SUSD6: variants seen among roughly 807,000 people sequenced by gnomAD.
The protein encoded by SUSD6 is sushi domain-containing protein 6.
Under a neutral mutation model 28.4 loss-of-function variants are expected in SUSD6, and 16 were observed. The ratio of observed to expected loss-of-function variants is 0.56; its 90% CI spans 0.38 to 0.86. The LOEUF is 0.86. SUSD6 is among the 40% of genes least tolerant of loss of function. The pLI, the probability that SUSD6 is intolerant of heterozygous loss-of-function variation, is 0.00. For synonymous variants in SUSD6, 147 were observed against 159.6 expected, an observed-to-expected ratio of 0.92 and a Z score of 0.59; for missense variants, 341 against 384.2, an observed-to-expected ratio of 0.89 and a Z score of 0.94.
intron 2 of SUSD6, among the ~76,000 whole-genome samples, chr14:69,661,595 A>T (rs1885662127): frequency 1.3e-5 from 2 of 151,976 alleles, no homozygotes; most frequent in Non-Finnish European, 2.9e-5. Context: ...GTTGCTACCA[A>T]TGTTTTTCCC....
intron 2 of SUSD6, among the ~76,000 whole-genome samples, chr14:69,681,667 C>G (rs1885998926): frequency 6.6e-6 from 1 of 152,146 alleles, no homozygotes; most frequent in African/African-American, 2.4e-5. Flanking sequence ...TTCATTACTT[C>G]TTGAGAATGG....
chr14:69,651,042 C>T (rs113444061), intron 1 of SUSD6, among the ~76,000 whole-genome samples: 40 of 152,094 alleles, frequency 2.6e-4, no homozygotes, highest in African/African-American at 9.6e-4. Flanking sequence ...CTTTTGGGCC[C>T]CTCCTATTCC....
Position 69,658,658 on chromosome 14 carries a change from A to C in SUSD6, c.66A>C (p.Gly22=). The C allele has an allele frequency of 6.2e-7, 1 of 1,614,032 alleles. No individual in the cohort carries two copies. The highest frequency in any genetic ancestry group is 8.5e-7 in the Non-Finnish European group (1 of 1,179,952). The part of the protein sequence containing the change: ...SVFAVASVGH[G]VFLPLVILCT... ...TTGCCGTGGCCTCCGTGGGACATGG[A>C]GTGTTCCTTCCGCTAGTGATCCTTT... The change falls in exon 2 of 6, where the codon GGA becomes GGC. Residue 22 remains glycine, a synonymous_variant. Coordinates refer to ENST00000342745, the MANE Select transcript of SUSD6 (RefSeq NM_014734.4).
Position 69,703,559 on chromosome 14 carries a change from C to A in SUSD6, c.286C>A (p.Pro96Thr). ...GACGTGTAAGAATGGCGAGTGGAAACCAGCCATGGAGATTAGCTGCCGTCT... is the reference window on the plus strand; with the variant it reads ...GACGTGTAAGAATGGCGAGTGGAAAACAGCCATGGAGATTAGCTGCCGTCT... ...YLTCKNGEWK[P>T]AMEISCRLNE... Residue 96 changes from proline to threonine, a missense_variant, in exon 3 of 6, where the codon CCA (proline) becomes ACA (threonine). Physicochemically the swap from Pro to Thr is conservative, Grantham distance 38. Transcript: ENST00000342745. The A allele has an allele frequency of 6.2e-7, 1 of 1,614,186 alleles. No homozygotes were observed. Among genetic ancestry groups the A allele is most frequent in the East Asian group, 2.2e-5 (1 of 44,892 alleles).
In SUSD6 at chr14:69,711,224, C is replaced by T. The variant is rs181814238; in HGVS notation, c.*245C>T. ...TGCCTGGCCCCGCCTTCCCATCTGTCAGAGACATATTTGAATGTGCTGGAT... is the reference window on the plus strand; with the variant it reads ...TGCCTGGCCCCGCCTTCCCATCTGTTAGAGACATATTTGAATGTGCTGGAT... On this transcript the variant is annotated 3_prime_UTR_variant, in exon 6 of 6. Coordinates refer to ENST00000342745, the MANE Select transcript of SUSD6 (RefSeq NM_014734.4). The T allele has an allele frequency of 5.2e-6, 3 of 571,806 alleles. No individual in the cohort carries two copies. The African/African-American group carries it at 5.6e-5, about 11-fold the overall frequency. 35.4% of individuals were successfully genotyped at this position (571,806 alleles called of 1,614,324 possible). A position where few individuals can be genotyped will look rare whatever the true frequency, so the allele number is the denominator to read the frequency against.
intron 4 of SUSD6, among the ~76,000 whole-genome samples, chr14:69,706,452 A>C (rs2139647126): frequency 6.6e-6 from 1 of 152,126 alleles, no homozygotes; most frequent in African/African-American, 2.4e-5. Flanking sequence ...CAGTTTACAC[A>C]CTGCTTTCTT....
chr14:69,622,332 T>G (rs1885053047), intron 1 of SUSD6, among the ~76,000 whole-genome samples: 1 of 151,990 alleles, frequency 6.6e-6, no homozygotes, highest in Non-Finnish European at 1.5e-5. Flanking sequence ...GCCCGGCCAA[T>G]TTTTTTGGAT....
At chr14:69,617,008 G>C (rs1264148212) in intron 1 of SUSD6, 2 of 151,964 alleles carry the variant, frequency 1.3e-5, no homozygotes, top group African/African-American at 4.8e-5. Context: ...TTGCCTATTT[G>C]GACATTTCAT....
intron 1 of SUSD6, among the ~76,000 whole-genome samples, chr14:69,653,161 C>T (rs895443075): frequency 7.9e-5 from 12 of 152,208 alleles, no homozygotes; most frequent in South Asian, 6.2e-4. Flanking sequence ...TGAGTGTCCA[C>T]GACATCACAT....
At chr14:69,667,853 G>C (rs1210633602) in intron 2 of SUSD6, among the ~76,000 whole-genome samples, 1 of 152,044 alleles carries the variant, frequency 6.6e-6, no homozygotes, top group Admixed American at 6.6e-5. Flanking sequence ...CTTGTTCTTT[G>C]TTCTTGATTC....
chr14:69,629,443 C>T (rs1046547366), intron 1 of SUSD6, among the ~76,000 whole-genome samples: 9 of 152,148 alleles, frequency 5.9e-5, no homozygotes, highest in African/African-American at 2.2e-4. Context: ...ACATTATCTG[C>T]CTTTGAAACA....
chr14:69,706,730 C>T (rs1044816968), intron 4 of SUSD6, among the ~76,000 whole-genome samples: 1 of 152,094 alleles, frequency 6.6e-6, no homozygotes, highest in Non-Finnish European at 1.5e-5. Flanking sequence ...AAAGTGCTCC[C>T]ATCAAACTTT....
intron 2 of SUSD6, among the ~76,000 whole-genome samples, chr14:69,685,086 T>G (rs1886052869): frequency 6.6e-6 from 1 of 152,194 alleles, no homozygotes; most frequent in Non-Finnish European, 1.5e-5. Context: ...TTCTCTGTCC[T>G]TCTAAGATGG....
At position 69,704,608 on chromosome 14, in the gene SUSD6, A is replaced by G. The variant is rs373538007; in HGVS notation, c.324A>G (p.Lys108=). ...MEISCRLNED[K]DTHTSLGVPT... is the part of the protein sequence containing the mutation. ...GATGATGGCTTGTTTTTATAGATAA[A>G]GACACCCACACATCACTTGGGGTCC... The change falls in exon 4 of 6, where the codon AAA becomes AAG. Residue 108 remains lysine (K), a synonymous_variant. Transcript: ENST00000342745. 1.7e-5 allele frequency: 28 copies of G among 1,611,176 alleles called. No individual in the cohort carries two copies. Among genetic ancestry groups the G allele is most frequent in the Admixed American group, 6.8e-5 (4 of 59,064 alleles).
chr14:69,624,732 G>A (rs1376309343), intron 1 of SUSD6, among the ~76,000 whole-genome samples: 2 of 152,160 alleles, frequency 1.3e-5, no homozygotes, highest in East Asian at 3.8e-4. Context: ...TGGAATTACA[G>A]GCGTGAGCCA....
chr14:69,626,533 T>C (rs528073572), intron 1 of SUSD6, among the ~76,000 whole-genome samples: 2 of 152,326 alleles, frequency 1.3e-5, no homozygotes, highest in African/African-American at 4.8e-5. Flanking sequence ...CATAGTTCAC[T>C]TTTCATTTTT....
chr14:69,614,133 T>G (rs1285577003), intron 1 of SUSD6, among the ~76,000 whole-genome samples: 1 of 152,228 alleles, frequency 6.6e-6, no homozygotes, highest in Non-Finnish European at 1.5e-5. Flanking sequence ...AGTGGCACGA[T>G]CTCGGCTCAC....
chr14:69,632,821 C>A (rs773685489), intron 1 of SUSD6, among the ~76,000 whole-genome samples: 1 of 152,120 alleles, frequency 6.6e-6, no homozygotes, highest in South Asian at 2.1e-4. Context: ...CCTGAGTCTT[C>A]CTGCTCTCAT....
chr14:69,676,659 T>A (rs767620747), intron 2 of SUSD6, among the ~76,000 whole-genome samples: 5 of 152,134 alleles, frequency 3.3e-5, no homozygotes, highest in Non-Finnish European at 7.4e-5. Context: ...CCTCCCAGAG[T>A]GCTGGGATTA....
Sources: allele counts gnomAD v4.1 joint callset (sites outside exome capture counted in the v4.1 genomes callset), GRCh38; gene constraint gnomAD v4.1.1; transcripts MANE v1.5; gene names NCBI Gene and HGNC (gene_info 2026-07-23, HGNC 2026-07-21).